Variants in PARD3B observed in about 807,000 individuals in gnomAD.
The protein encoded by PARD3B is par-3 family cell polarity regulator beta, also known as partitioning defective 3 homolog B.
In PARD3B, 103 loss-of-function variants were observed where a neutral mutation model predicts 130.2. That is an observed-to-expected ratio of 0.79 (90% CI 0.67 to 0.93). The LOEUF (loss-of-function observed/expected upper bound fraction) is 0.93, where lower values mean the gene tolerates loss of function less well. PARD3B is among the 40% of genes least tolerant of loss of function. The pLI is 0.00. For synonymous variants in PARD3B, 583 were observed against 553.2 expected (o/e 1.05, Z -0.76); for missense variants, 1,609 against 1,499.2 (o/e 1.07, Z -1.21).
At chr2:204,750,334 G>A (rs2040410981) in intron 2 of PARD3B, among the ~76,000 whole-genome samples, 1 of 152,128 alleles carries the variant, frequency 6.6e-6, no homozygotes, top group African/African-American at 2.4e-5. Flanking sequence ...TGTAATCCCA[G>A]CACTTTGGGA....
Position 205,276,762 on chromosome 2 carries a change from A to G in PARD3B, c.2186-23768A>G, listed in dbSNP as rs927292814. 4.6e-5 allele frequency among the ~76,000 whole-genome samples: 7 copies of G among 152,190 alleles called. No individual in the cohort carries two copies. The highest frequency in any genetic ancestry group is 2.0e-4 in the Admixed American group (3 of 15,280). Reference sequence around the variant, plus strand: ...GTTAGAAAATTTGTCATCCTGCTAGAGAGACCTATAGATTGGTGGTTAACC... The same window carrying G: ...GTTAGAAAATTTGTCATCCTGCTAGGGAGACCTATAGATTGGTGGTTAACC... On this transcript the variant is annotated intron_variant, in intron 16 of 22. Coordinates refer to ENST00000406610, the MANE Select transcript of PARD3B (RefSeq NM_001302769.2). The surrounding 1 kb of genome is among the most constrained non-coding windows in gnomAD (Gnocchi z 5.0).
At chr2:204,928,009 A>G (rs1687760574) in intron 2 of PARD3B, among the ~76,000 whole-genome samples, 1 of 152,166 alleles carries the variant, frequency 6.6e-6, no homozygotes, top group Non-Finnish European at 1.5e-5. Flanking sequence ...AACAGTAAGC[A>G]TTTTTCATTG....
chr2:204,635,583 A>G (rs912512044), intron 1 of PARD3B, among the ~76,000 whole-genome samples: 3 of 152,166 alleles, frequency 2.0e-5, no homozygotes, highest in Non-Finnish European at 4.4e-5. Flanking sequence ...TTGAGGCTAC[A>G]TATGTTGACA....
rs1238776820 is a variant in PARD3B at position 204,780,586 on chromosome 2, A to G, written c.222+94304A>G. ...TATTTGTTATGAAGCTTTCTCACAA[A>G]CAATCTCTTTTTCCCCCAAGAATGT... On this transcript the variant is annotated intron_variant, in intron 2 of 22. Coordinates refer to ENST00000406610, the MANE Select transcript of PARD3B (RefSeq NM_001302769.2). Among the ~76,000 whole-genome samples the G allele has an allele frequency of 2.0e-5, 3 of 152,192 alleles. No individual in the cohort carries two copies. In the East Asian group the frequency reaches 5.8e-4, roughly 29 times the overall value.
chr2:204,610,799 A>C lies in PARD3B; in HGVS notation c.120+64680A>C, dbSNP rs2033893291. On this transcript the variant is annotated intron_variant, in intron 1 of 22. Transcript: ENST00000406610. This position sits in a 1 kb window ranked among gnomAD's most constrained non-coding sequence, Gnocchi z 4.1. ...AATACATGGCCAGTGGTTCCAATCCATGTTACAGCTGTCCAACAATTGGAA... is the reference window on the plus strand; with the variant it reads ...AATACATGGCCAGTGGTTCCAATCCCTGTTACAGCTGTCCAACAATTGGAA... Among the ~76,000 whole-genome samples the C allele has an allele frequency of 6.6e-6, 1 of 152,184 alleles. No individual in the cohort carries two copies. The highest frequency in any genetic ancestry group is 1.5e-5 in the Non-Finnish European group (1 of 68,030).
intron 4 of PARD3B, chr2:205,048,640 T>C (rs1203347747): frequency 6.6e-6 from 1 of 152,194 alleles, no homozygotes; most frequent in African/African-American, 2.4e-5. Context: ...ATACGGATGC[T>C]GAAATGAGTT....
At chr2:204,553,613 G>GA in intron 1 of PARD3B, among the ~76,000 whole-genome samples, 1 of 10,586 alleles carries the variant, frequency 9.4e-5, no homozygotes, top group East Asian at 3.0e-3. Flanking sequence ...TATATATATG[G>GA]CTATATACAT....
Position 205,260,238 on chromosome 2 carries a change from A to G in PARD3B, c.2185+14416A>G, listed in dbSNP as rs145075250. On this transcript the variant is annotated intron_variant, in intron 16 of 22. Coordinates refer to ENST00000406610, the MANE Select transcript of PARD3B (RefSeq NM_001302769.2). ...GCACAGTGGCATCACCAGAATACCT[A>G]TGTCAGCTGCTCAGCAACAGCAACA... Among the ~76,000 whole-genome samples, 392 of 152,302 alleles carry G rather than the reference A, an allele frequency of 2.6e-3. 1 individual carries two copies. Among genetic ancestry groups the G allele is most frequent in the Non-Finnish European group, 3.6e-3 (243 of 68,012 alleles).
intron 2 of PARD3B, among the ~76,000 whole-genome samples, chr2:204,746,020 G>C (rs986183745): frequency 2.7e-5 from 4 of 149,386 alleles, no homozygotes; most frequent in African/African-American, 7.4e-5. Context: ...TAGGGTACAT[G>C]TGTACAACGT....
chr2:205,252,453 T>C (rs749418062), intron 16 of PARD3B, among the ~76,000 whole-genome samples: 4 of 152,134 alleles, frequency 2.6e-5, no homozygotes, highest in Non-Finnish European at 5.9e-5. Flanking sequence ...AGAGGAAATA[T>C]TGCTTAATTC....
chr2:205,569,687 C>T (rs1486677517), intron 22 of PARD3B, among the ~76,000 whole-genome samples: 2 of 152,180 alleles, frequency 1.3e-5, no homozygotes. Context: ...ATCTTGCTCT[C>T]ACTGATATTA....
intron 15 of PARD3B, among the ~76,000 whole-genome samples, chr2:205,219,276 G>A (rs1027959665): frequency 1.3e-5 from 2 of 152,158 alleles, no homozygotes; most frequent in Admixed American, 6.6e-5. Flanking sequence ...TGATTTAAGT[G>A]AGCTCATCTA....
intron 2 of PARD3B, among the ~76,000 whole-genome samples, chr2:204,731,633 C>G (rs1428242004): frequency 6.6e-6 from 1 of 152,002 alleles, no homozygotes; most frequent in Non-Finnish European, 1.5e-5. Context: ...CTATGGAGAC[C>G]TTATTAATAG....
chr2:204,720,763 A>G (rs776734862), intron 2 of PARD3B, among the ~76,000 whole-genome samples: 1 of 152,138 alleles, frequency 6.6e-6, no homozygotes, highest in Non-Finnish European at 1.5e-5. Flanking sequence ...AGCTGCTTTA[A>G]CAGAGGCCAA....
At chr2:204,869,181 G>T (rs1559214185) in intron 2 of PARD3B, among the ~76,000 whole-genome samples, 1 of 152,118 alleles carries the variant, frequency 6.6e-6, no homozygotes, top group African/African-American at 2.4e-5. Context: ...GGGCTTTGTA[G>T]CCCTATTAGG....
At chr2:205,054,436 A>ATATAT (rs1411271901) in intron 4 of PARD3B, among the ~76,000 whole-genome samples, 4 of 28,440 alleles carry the variant, frequency 1.4e-4, no homozygotes, top group East Asian at 2.1e-3. Context: ...ATATATATAT[A>ATATAT]TTTTTTTTTT....
intron 2 of PARD3B, among the ~76,000 whole-genome samples, chr2:204,916,682 CTG>C (rs1451766912): frequency 5.3e-5 from 8 of 151,800 alleles, no homozygotes; most frequent in East Asian, 1.9e-4. Context: ...TGTAGGGAAA[CTG>C]TAATTAGAAC....
intron 21 of PARD3B, among the ~76,000 whole-genome samples, chr2:205,521,138 G>A (rs967497890): frequency 2.0e-5 from 3 of 151,378 alleles, no homozygotes; most frequent in African/African-American, 4.9e-5. Flanking sequence ...CTAATGGTCT[G>A]TTTTATACAG....
chr2:205,175,182 C>G (rs2035398562), intron 12 of PARD3B, among the ~76,000 whole-genome samples: 1 of 152,196 alleles, frequency 6.6e-6, no homozygotes, highest in Admixed American at 6.5e-5. Context: ...TGTCATTTAT[C>G]AAAGAGCTGG....
Sources: gnomAD v4.1 joint callset for allele counts (sites outside exome capture counted in the v4.1 genomes callset) on GRCh38, gnomAD v4.1.1 for gene constraint, Gnocchi (gnomAD v3.1) non-coding constraint, MANE v1.5 for transcripts, NCBI Gene and HGNC (gene_info 2026-07-23, HGNC 2026-07-21) for gene names.